Variants in ABCB10 observed in about 807,000 individuals in gnomAD.
ABCB10 encodes ATP binding cassette subfamily B member 10.
A neutral mutation model predicts 65.4 loss-of-function variants in ABCB10; 54 were observed. That is an observed-to-expected ratio of 0.83 (90% CI 0.66 to 1.04). ABCB10 has a LOEUF of 1.04. ABCB10 is among the 50% of genes least tolerant of loss of function. The pLI, the probability that ABCB10 is intolerant of heterozygous loss-of-function variation, is 0.00. For synonymous variants in ABCB10, 418 were observed against 406.5 expected (o/e 1.03, Z -0.34); for missense variants, 846 against 976.6 (o/e 0.87, Z 1.78).
rs774394369 is a variant in ABCB10 at position 229,526,131 on chromosome 1, TAAAAC to T, written c.1726-20_1726-16del. ...AAAATGGGTTCCTACAAATTGGAAATAAAACATATCACGAATTTCAAACAGACTTA... is the reference window on the plus strand; with the variant it reads ...AAAATGGGTTCCTACAAATTGGAAATATATCACGAATTTCAAACAGACTTA... On this transcript the variant is annotated splice_polypyrimidine_tract_variant and intron_variant, in intron 9 of 12. Coordinates refer to ENST00000344517, the MANE Select transcript of ABCB10 (RefSeq NM_012089.3). The T allele has an allele frequency of 3.1e-6, 5 of 1,602,080 alleles. No individual in the cohort carries two copies. In the African/African-American group the frequency reaches 4.0e-5, roughly 13 times the overall value.
chr1:229,540,856 G>A, intron 4 of ABCB10, 104 bp from the exon 5 acceptor site: 4 of 1,287,796 alleles, frequency 3.1e-6, no homozygotes, highest in South Asian at 1.6e-5. Context: ...TCATTAGAAA[G>A]AAAAGAAAAG....
At position 229,527,215 on chromosome 1, in the gene ABCB10, G is replaced by A; in HGVS notation, c.1725+14C>T. 6.3e-7 allele frequency: 1 copy of A among 1,591,722 alleles called. No homozygotes were observed. The highest frequency in any genetic ancestry group is 8.5e-7 in the Non-Finnish European group (1 of 1,171,190). ...AAAAGAAAGTGAAATAGAAATGGAA[G>A]CCTCTCTTCTTACCTGACTCACTGT... On this transcript the variant is annotated intron_variant, in intron 9 of 12. Coordinates refer to ENST00000344517, the MANE Select transcript of ABCB10 (RefSeq NM_012089.3).
At chr1:229,552,425 C>T (rs988263101) in intron 1 of ABCB10, among the ~76,000 whole-genome samples, 1 of 152,342 alleles carries the variant, frequency 6.6e-6, no homozygotes, top group Admixed American at 6.5e-5. Flanking sequence ...CCTGATGCGG[C>T]CCCAGCAACT....
chr1:229,530,322 G>C lies in ABCB10; in HGVS notation c.1522C>G (p.Pro508Ala). 1.9e-6 allele frequency: 3 copies of C among 1,614,124 alleles called. No homozygotes were observed. The highest frequency in any genetic ancestry group is 2.5e-6 in the Non-Finnish European group (3 of 1,179,998). The change falls in exon 8 of 13, where the codon CCC (proline) becomes GCC (alanine). Residue 508 changes from proline (P) to alanine (A), a missense_variant. Physicochemically the swap from Pro to Ala is conservative, Grantham distance 27 (BLOSUM62 -1). Transcript: ENST00000344517. ...GAAAGGCTGAAATCCTGAAATATGGGCACCTCTGGGCGAGCTGGATAGGCA... is the reference window on the plus strand; with the variant it reads ...GAAAGGCTGAAATCCTGAAATATGGCCACCTCTGGGCGAGCTGGATAGGCA... The part of the protein sequence containing the change: ...HFAYPARPEV[P>A]IFQDFSLSIP...
Position 229,525,889 on chromosome 1 carries a change from G to C in ABCB10, c.1906+47C>G, listed in dbSNP as rs373174329. The C allele has an allele frequency of 7.8e-6, 12 of 1,547,978 alleles. No homozygotes were observed. The African/African-American group carries it at 1.5e-4, about 20-fold the overall frequency. Reference sequence around the variant, plus strand: ...AAAAAAAACAAGAAACATGTGAAAAGTTCTTTGGATATAGAGACTTTGCTA... The same window carrying C: ...AAAAAAAACAAGAAACATGTGAAAACTTCTTTGGATATAGAGACTTTGCTA... On this transcript the variant is annotated intron_variant, in intron 10 of 12. Transcript: ENST00000344517.
chr1:229,549,474 G>A lies in ABCB10; in HGVS notation c.518-40C>T, dbSNP rs373128216. The A allele has an allele frequency of 3.2e-6, 5 of 1,582,972 alleles. No individual in the cohort carries two copies. The African/African-American group carries it at 6.7e-5, about 21-fold the overall frequency. On this transcript the variant is annotated intron_variant, in intron 1 of 12. Transcript: ENST00000344517. ...CACTCTCAATGTTCAGGTTGCTTCA[G>A]CAAAGGGGCTGCGGTGCTGAGTCCA...
intron 10 of ABCB10, among the ~76,000 whole-genome samples, chr1:229,522,640 C>CA (rs147961056): frequency 0.044 from 6,772 of 152,288 alleles, 191 homozygotes; most frequent in Non-Finnish European, 0.07. Flanking sequence ...TCTGAACCTA[C>CA]ACAGTGCAAG....
chr1:229,527,091 C>A, intron 9 of ABCB10, 138 bp downstream of exon 9: 1 of 753,814 alleles, frequency 1.3e-6, no homozygotes. Flanking sequence ...AACAACCTGC[C>A]ATGTGAGATG....
At chr1:229,550,146 G>A (rs914776116) in intron 1 of ABCB10, 3 of 152,108 alleles carry the variant, frequency 2.0e-5, no homozygotes, top group Admixed American at 1.3e-4. Context: ...ATTGCTTTGC[G>A]AAATATCAAC....
At chr1:229,548,693 C>T (rs1372855589) in intron 2 of ABCB10, among the ~76,000 whole-genome samples, 2 of 147,532 alleles carry the variant, frequency 1.4e-5, no homozygotes, top group East Asian at 2.0e-4. Flanking sequence ...GATGGAGTCT[C>T]GCTCTGTCCC....
rs183874652 is a variant in ABCB10 at position 229,521,199 on chromosome 1, T to C, written c.1950+393A>G. Among the ~76,000 whole-genome samples, 319 of 152,290 alleles carry C rather than the reference T, an allele frequency of 2.1e-3. 2 individuals carry two copies. Among genetic ancestry groups the C allele is most frequent in the African/African-American group, 7.3e-3 (302 of 41,560 alleles). On this transcript the variant is annotated intron_variant, in intron 11 of 12. Transcript: ENST00000344517. Reference sequence around the variant, plus strand: ...CTTCCCTTTCCTTCTAGGAATCTTGTCTAAGTACTTCAAGTCTGTACTATT... The same window carrying C: ...CTTCCCTTTCCTTCTAGGAATCTTGCCTAAGTACTTCAAGTCTGTACTATT...
Position 229,516,737 on chromosome 1 carries a change from T to G in ABCB10, c.*1442A>C, listed in dbSNP as rs1182682085. 6.6e-6 allele frequency: 1 copy of G among 152,242 alleles called. No homozygotes were observed. The highest frequency in any genetic ancestry group is 1.5e-5 in the Non-Finnish European group (1 of 68,028). 9.4% of individuals were successfully genotyped at this position (152,242 alleles called of 1,614,324 possible). ...TTTTCCTCAGATTCAACCTTGTAAT[T>G]GTGTTGTTTGCTTTCTGAAAATCAC... On this transcript the variant is annotated 3_prime_UTR_variant, in exon 13 of 13. Coordinates refer to ENST00000344517, the MANE Select transcript of ABCB10 (RefSeq NM_012089.3).
At position 229,558,518 on chromosome 1, in the gene ABCB10, G is replaced by A; in HGVS notation, c.135C>T (p.Gly45=). 1 of 1,423,920 alleles carries A rather than the reference G, an allele frequency of 7.0e-7. No homozygotes were observed. The highest frequency in any genetic ancestry group is 9.2e-7 in the Non-Finnish European group (1 of 1,087,704). 88.2% of individuals were successfully genotyped at this position (1,423,920 alleles called of 1,614,324 possible). A position where few individuals can be genotyped will look rare whatever the true frequency, so the allele number is the denominator to read the frequency against. ...RVPGSLSPFT[G]LRPARLWGAG... Reference sequence around the variant, plus strand: ...CGCCCCATAGCCGCGCCGGCCTCAGGCCAGTGAACGGCGATAGGGACCCGG... The same window carrying A: ...CGCCCCATAGCCGCGCCGGCCTCAGACCAGTGAACGGCGATAGGGACCCGG... Residue 45 remains glycine, a synonymous_variant, in exon 1 of 13, where the codon GGC becomes GGT. Coordinates refer to ENST00000344517, the MANE Select transcript of ABCB10 (RefSeq NM_012089.3).
chr1:229,546,712 AATAT>A (rs995876338), intron 3 of ABCB10, among the ~76,000 whole-genome samples: 7 of 151,144 alleles, frequency 4.6e-5, no homozygotes, highest in Non-Finnish European at 1.0e-4. Context: ...CTCTACAAAA[AATAT>A]ATATATATAT....
chr1:229,542,156 C>T (rs747757039), intron 4 of ABCB10, 81 bp downstream of exon 4: 41 of 1,501,626 alleles, frequency 2.7e-5, no homozygotes, highest in East Asian at 6.9e-5. Flanking sequence ...AACCTAAGTA[C>T]ATCCCTTAGG....
In ABCB10 at chr1:229,558,574, C is replaced by T; in HGVS notation, c.79G>A (p.Ala27Thr). ...PAEPGRLLPV[A>T]CVWAAASRVP... ...CGGCTGGCCGCGGCCCACACGCAGG[C>T]TACCGGCAGGAGCCGACCTGGCTCG... is the stretch of plus-strand genomic sequence containing the variant. The change falls in exon 1 of 13, where the codon GCC (alanine) becomes ACC (threonine). Residue 27 changes from alanine to threonine, a missense_variant. Physicochemically the swap from Ala to Thr is moderately conservative, Grantham distance 58. Transcript: ENST00000344517. 3 of 1,445,892 alleles carry T rather than the reference C, an allele frequency of 2.1e-6. No homozygotes were observed. Among genetic ancestry groups the T allele is most frequent in the African/African-American group, 1.5e-5 (1 of 67,508 alleles). 89.6% of individuals were successfully genotyped at this position (1,445,892 alleles called of 1,614,324 possible).
intron 9 of ABCB10, 141 bp downstream of exon 9, chr1:229,527,088 T>C: frequency 2.7e-6 from 2 of 742,390 alleles, no homozygotes; most frequent in Non-Finnish European, 2.2e-6. Context: ...CTAAACAACC[T>C]GCCATGTGAG....
chr1:229,517,131 A>G lies in ABCB10; in HGVS notation c.*1048T>C, dbSNP rs1384025465. ...CTTTAGGAATTTTGAGACTATAAAT[A>G]AAACTATAACCATAAATAAAAGGGC... On this transcript the variant is annotated 3_prime_UTR_variant, in exon 13 of 13. Coordinates refer to ENST00000344517, the MANE Select transcript of ABCB10 (RefSeq NM_012089.3). 6.6e-6 allele frequency: 1 copy of G among 151,774 alleles called. No individual in the cohort carries two copies. Among genetic ancestry groups the G allele is most frequent in the Non-Finnish European group, 1.5e-5 (1 of 68,030 alleles). The allele number at this position is 151,774 out of a possible 1,614,324, so 9.4% of individuals were successfully genotyped here. A position where few individuals can be genotyped will look rare whatever the true frequency, so the allele number is the denominator to read the frequency against.
chr1:229,549,092 G>C, intron 2 of ABCB10, 142 bp downstream of exon 2: 1 of 799,340 alleles, frequency 1.3e-6, no homozygotes, highest in African/African-American at 1.7e-5. Flanking sequence ...GCAGTCATTG[G>C]ACTCTATCCC....
Sources: allele counts gnomAD v4.1 joint callset (sites outside exome capture counted in the v4.1 genomes callset), GRCh38; gene constraint gnomAD v4.1.1; transcripts MANE v1.5; gene names NCBI Gene and HGNC (gene_info 2026-07-23, HGNC 2026-07-21).